The following XKR6 variants were observed in gnomAD, a reference collection of about 807,000 sequenced individuals.
The protein encoded by XKR6 is XK related 6, also known as XK-related protein 6.
In XKR6, 22 loss-of-function variants were observed where a neutral mutation model predicts 56.7. That is an observed-to-expected ratio of 0.39 (90% confidence interval 0.28 to 0.55). The LOEUF (loss-of-function observed/expected upper bound fraction) is 0.55. Ranked by LOEUF, XKR6 falls within the 20% of genes least tolerant of loss-of-function variation. The probability of loss-of-function intolerance (pLI) is 0.66; values close to 1 mark genes in which losing one functional copy is unlikely to be tolerated. For synonymous variants in XKR6, 524 were observed against 387.8 expected (o/e 1.35, Z -4.13); for missense variants, 852 against 889.0 (o/e 0.96, Z 0.53).
At chr8:11,048,386 T>G (rs1799462448) in intron 1 of XKR6, among the ~76,000 whole-genome samples, 1 of 152,132 alleles carries the variant, frequency 6.6e-6, no homozygotes, top group South Asian at 2.1e-4. Context: ...GGCCTTGCCT[T>G]CTCTCCCCGC....
chr8:10,966,086 T>C (rs1354674296), intron 1 of XKR6, among the ~76,000 whole-genome samples: 1 of 152,002 alleles, frequency 6.6e-6, no homozygotes, highest in Non-Finnish European at 1.5e-5. Context: ...GGGAGGAGGA[T>C]TGCTAAAACA....
rs532282498 is a variant in XKR6 at position 10,987,534 on chromosome 8, A to G, written c.765-62704T>C. ...CCCTTGTGTGACTATGCACAAACCA[A>G]CCCCTATCTCTCACCTGGATTACTG... On this transcript the variant is annotated intron_variant, in intron 1 of 2. Transcript: ENST00000416569. 8.5e-5 allele frequency among the ~76,000 whole-genome samples: 13 copies of G among 152,134 alleles called. 1 individual carries two copies. The highest frequency in any genetic ancestry group is 3.1e-4 in the African/African-American group (13 of 41,482).
chr8:11,189,462 C>T (rs919049000), intron 1 of XKR6, among the ~76,000 whole-genome samples: 2 of 152,184 alleles, frequency 1.3e-5, no homozygotes, highest in Non-Finnish European at 2.9e-5. Flanking sequence ...TTAATACAGA[C>T]TTTTTGCCAA....
chr8:10,898,952 T>C lies in XKR6; in HGVS notation c.962-36A>G, dbSNP rs776823803. The C allele has an allele frequency of 1.3e-6, 2 of 1,554,748 alleles. No individual in the cohort carries two copies. Among genetic ancestry groups the C allele is most frequent in the Admixed American group, 3.8e-5 (2 of 53,084 alleles). ...GACACAAACCCACACAGTCAAAACC[T>C]TGGACATCAACCGCAGGGCACAGTG... is the stretch of plus-strand genomic sequence containing the variant. On this transcript the variant is annotated intron_variant, in intron 2 of 2. Coordinates refer to ENST00000416569, the MANE Select transcript of XKR6 (RefSeq NM_173683.4). The surrounding 1 kb of genome is among the most constrained non-coding windows in gnomAD (Gnocchi z 6.6).
intron 1 of XKR6, among the ~76,000 whole-genome samples, chr8:11,149,336 T>A (rs1481757162): frequency 3.9e-5 from 6 of 152,236 alleles, no homozygotes; most frequent in African/African-American, 1.4e-4. Flanking sequence ...AAATGGTAAG[T>A]ATTTGTTTAA....
intron 1 of XKR6, among the ~76,000 whole-genome samples, chr8:10,961,465 C>A (rs114458245): frequency 3.3e-5 from 5 of 152,164 alleles, no homozygotes; most frequent in Non-Finnish European, 7.4e-5. Flanking sequence ...AAATAGGAGT[C>A]GGGGTGGAAT....
intron 1 of XKR6, among the ~76,000 whole-genome samples, chr8:11,161,004 G>A (rs898421263): frequency 1.3e-5 from 2 of 151,742 alleles, no homozygotes; most frequent in Admixed American, 6.6e-5. Flanking sequence ...TCCTGTACTG[G>A]TTGTGAATAT....
At chr8:11,073,518 C>T (rs767253900) in intron 1 of XKR6, among the ~76,000 whole-genome samples, 1 of 152,188 alleles carries the variant, frequency 6.6e-6, no homozygotes, top group African/African-American at 2.4e-5. Flanking sequence ...AATAACATTC[C>T]CTGTTCCTTT....
At position 11,200,426 on chromosome 8, in the gene XKR6, G is replaced by T; in HGVS notation, c.764+150C>A. The stretch of plus-strand genomic sequence containing the variant: ...GGCCAGGGATCCAGATCAAACGCCG[G>T]TCTTTTGGAGACGCCAGGGGCGGCG... On this transcript the variant is annotated intron_variant, in intron 1 of 2. Coordinates refer to ENST00000416569, the MANE Select transcript of XKR6 (RefSeq NM_173683.4). The surrounding 1 kb of genome is among the most constrained non-coding windows in gnomAD (Gnocchi z 6.4). The T allele has an allele frequency of 9.1e-7, 1 of 1,097,906 alleles. No individual in the cohort carries two copies. Among genetic ancestry groups the T allele is most frequent in the Non-Finnish European group, 1.2e-6 (1 of 838,610 alleles). 68.0% of individuals were successfully genotyped at this position (1,097,906 alleles called of 1,614,324 possible).
At chr8:11,042,471 C>A (rs560094400) in intron 1 of XKR6, among the ~76,000 whole-genome samples, 3 of 152,292 alleles carry the variant, frequency 2.0e-5, no homozygotes, top group African/African-American at 7.2e-5. Context: ...AGTTCCCCTG[C>A]ACATACTCTG....
At chr8:10,907,383 G>A (rs542134223) in intron 2 of XKR6, among the ~76,000 whole-genome samples, 1 of 152,294 alleles carries the variant, frequency 6.6e-6, no homozygotes, top group African/African-American at 2.4e-5. Context: ...TCATCTGCTA[G>A]TTTCTAGTAA....
intron 1 of XKR6, among the ~76,000 whole-genome samples, chr8:11,078,826 G>A (rs1313707508): frequency 6.6e-6 from 1 of 152,178 alleles, no homozygotes; most frequent in Non-Finnish European, 1.5e-5. Flanking sequence ...AGCACCATAG[G>A]AGAAGAGTGG....
intron 1 of XKR6, among the ~76,000 whole-genome samples, chr8:11,038,937 C>T (rs1799215816): frequency 6.6e-6 from 1 of 152,166 alleles, no homozygotes; most frequent in African/African-American, 2.4e-5. Context: ...CCTGCTTACA[C>T]TCACTCGTTT....
chr8:11,191,757 TA>T (rs1803592994), intron 1 of XKR6, among the ~76,000 whole-genome samples: 1 of 148,996 alleles, frequency 6.7e-6, no homozygotes, highest in Non-Finnish European at 1.5e-5. Flanking sequence ...ATATAATTCA[TA>T]AATTTTTATC....
chr8:11,135,684 A>G (rs1306723839), intron 1 of XKR6, among the ~76,000 whole-genome samples: 1 of 152,160 alleles, frequency 6.6e-6, no homozygotes, highest in Non-Finnish European at 1.5e-5. Flanking sequence ...GAAAACATGT[A>G]CATGTGTAAT....
intron 1 of XKR6, among the ~76,000 whole-genome samples, chr8:11,071,306 C>G (rs1306557058): frequency 6.6e-6 from 1 of 152,166 alleles, no homozygotes; most frequent in East Asian, 1.9e-4. Context: ...ATGGCATGAT[C>G]TCGGCTCACT....
chr8:10,952,264 A>C (rs1367739741), intron 1 of XKR6, among the ~76,000 whole-genome samples: 1 of 152,022 alleles, frequency 6.6e-6, no homozygotes, highest in Non-Finnish European at 1.5e-5. Context: ...TGGGGTAGTG[A>C]CCTGGGAGGC....
chr8:11,150,281 C>T (rs777819063), intron 1 of XKR6, among the ~76,000 whole-genome samples: 4 of 151,982 alleles, frequency 2.6e-5, no homozygotes, highest in Non-Finnish European at 5.9e-5. Context: ...TCATGGATAC[C>T]CCAAATAACC....
intron 1 of XKR6, among the ~76,000 whole-genome samples, chr8:11,006,998 C>A (rs1203378877): frequency 1.3e-5 from 2 of 152,166 alleles, no homozygotes; most frequent in African/African-American, 4.8e-5. Context: ...GACATAAGAC[C>A]AAATTCTGGG....
Sources: gnomAD v4.1 joint callset for allele counts (sites outside exome capture counted in the v4.1 genomes callset) on GRCh38, gnomAD v4.1.1 for gene constraint, Gnocchi (gnomAD v3.1) non-coding constraint, MANE v1.5 for transcripts, NCBI Gene and HGNC (gene_info 2026-07-23, HGNC 2026-07-21) for gene names.